Variants in CNBD1 observed in about 807,000 individuals in gnomAD.
The protein encoded by CNBD1 is cyclic nucleotide-binding domain-containing protein 1.
A neutral mutation model predicts 54.4 loss-of-function variants in CNBD1; 71 were observed. The observed-to-expected ratio is 1.30, with a 90% CI of 1.08 to 1.59. The LOEUF (loss-of-function observed/expected upper bound fraction) is 1.59. Among genes scored for constraint, CNBD1 ranks in the 40% most tolerant of loss-of-function variants. The probability of loss-of-function intolerance (pLI) is 0.00; values close to 1 mark genes in which losing one functional copy is unlikely to be tolerated. For synonymous variants in CNBD1, 182 were observed against 170.7 expected (o/e 1.07, Z -0.51); for missense variants, 659 against 518.0 (o/e 1.27, Z -2.64).
chr8:87,060,748 A>G (rs1330390647), intron 4 of CNBD1, among the ~76,000 whole-genome samples: 1 of 152,162 alleles, frequency 6.6e-6, no homozygotes, highest in South Asian at 2.1e-4. Context: ...TAAAATTTTT[A>G]AAATTAAAAG....
intron 10 of CNBD1, among the ~76,000 whole-genome samples, chr8:87,368,569 T>C (rs113606999): frequency 0.019 from 2,861 of 151,094 alleles, 91 homozygotes; most frequent in African/African-American, 0.063. Flanking sequence ...GCCAGGAGTT[T>C]GAGGCTGCAG....
rs549199602 is a variant in CNBD1 at position 86,873,290 on chromosome 8, G to A, written c.88+6707G>A. ...CTAATTTTGTATTTTTAGTAGAGAC[G>A]GGGTTTCTCCCTGTTGATCAGGCTT... On this transcript the variant is annotated intron_variant, in intron 1 of 10. Coordinates refer to ENST00000518476, the MANE Select transcript of CNBD1 (RefSeq NM_173538.3). Among the ~76,000 whole-genome samples, 13 of 151,646 alleles carry A rather than the reference G, an allele frequency of 8.6e-5. No homozygotes were observed. The South Asian group carries it at 2.7e-3, about 32-fold the overall frequency.
At chr8:87,241,986 CA>C (rs1302148331) in intron 6 of CNBD1, among the ~76,000 whole-genome samples, 3 of 152,104 alleles carry the variant, frequency 2.0e-5, no homozygotes, top group Non-Finnish European at 4.4e-5. Flanking sequence ...AAGAACATTA[CA>C]AAGTTAACCT....
chr8:86,953,797 G>A (rs1318344767), intron 4 of CNBD1, among the ~76,000 whole-genome samples: 6 of 151,942 alleles, frequency 3.9e-5, no homozygotes, highest in Non-Finnish European at 7.3e-5. Flanking sequence ...AACCCAGGAG[G>A]TGGAGGTTGC....
At chr8:87,052,442 A>G (rs923830345) in intron 4 of CNBD1, among the ~76,000 whole-genome samples, 3 of 152,214 alleles carry the variant, frequency 2.0e-5, no homozygotes, top group East Asian at 3.9e-4. Flanking sequence ...GATAGCTTAG[A>G]GTAGTTAAGC....
intron 2 of CNBD1, among the ~76,000 whole-genome samples, chr8:87,396,904 T>C (rs894720980): frequency 5.3e-5 from 8 of 150,942 alleles, no homozygotes; most frequent in Non-Finnish European, 1.0e-4. Flanking sequence ...TTTTTTTTTT[T>C]CAAGTAGTTC....
At chr8:87,345,618 C>G (rs1563562718) in intron 8 of CNBD1, among the ~76,000 whole-genome samples, 1 of 151,942 alleles carries the variant, frequency 6.6e-6, no homozygotes, top group Non-Finnish European at 1.5e-5. Context: ...AATAATTGTT[C>G]AAAATAATGA....
intron 4 of CNBD1, among the ~76,000 whole-genome samples, chr8:87,153,468 A>G (rs1007138317): frequency 5.9e-5 from 9 of 152,204 alleles, no homozygotes; most frequent in African/African-American, 2.2e-4. Context: ...TTGATTTGTA[A>G]GTCATGTAAG....
intron 4 of CNBD1, among the ~76,000 whole-genome samples, chr8:87,081,048 T>G (rs1344915392): frequency 2.6e-5 from 4 of 152,062 alleles, no homozygotes; most frequent in Non-Finnish European, 5.9e-5. Flanking sequence ...TCTTGTTTTG[T>G]GTTTAATTTG....
intron 4 of CNBD1, among the ~76,000 whole-genome samples, chr8:86,971,831 C>A (rs1309748120): frequency 6.6e-6 from 1 of 152,130 alleles, no homozygotes; most frequent in Admixed American, 6.6e-5. Context: ...CATATTAATT[C>A]TAAACATTTC....
chr8:87,242,565 C>G (rs959450673), intron 6 of CNBD1, among the ~76,000 whole-genome samples: 1 of 152,152 alleles, frequency 6.6e-6, no homozygotes, highest in Non-Finnish European at 1.5e-5. Context: ...GTGAATCCAC[C>G]TATGACTTAG....
intron 10 of CNBD1, among the ~76,000 whole-genome samples, chr8:87,358,561 T>C (rs1370931549): frequency 7.3e-6 from 1 of 136,296 alleles, no homozygotes; most frequent in Non-Finnish European, 1.7e-5. Flanking sequence ...TATACAAAGT[T>C]CTTCAAAAAA....
intron 2 of CNBD1, among the ~76,000 whole-genome samples, chr8:87,391,117 G>A (rs1053376353): frequency 6.6e-6 from 1 of 152,040 alleles, no homozygotes; most frequent in Non-Finnish European, 1.5e-5. Context: ...GGGAGGGATA[G>A]CATTAGGATA....
intron 2 of CNBD1, among the ~76,000 whole-genome samples, chr8:87,426,376 A>G (rs1173167496): frequency 1.3e-5 from 2 of 152,176 alleles, no homozygotes; most frequent in East Asian, 1.9e-4. Context: ...ATTAAATGCA[A>G]CATCATGATC....
intron 4 of CNBD1, among the ~76,000 whole-genome samples, chr8:87,160,533 C>T (rs1312250356): frequency 6.6e-6 from 1 of 151,978 alleles, no homozygotes; most frequent in East Asian, 1.9e-4. Context: ...ATATATTCTT[C>T]CAGAAAAATT....
rs369009961 is a variant in CNBD1 at position 86,905,146 on chromosome 8, T to C, written c.224T>C (p.Leu75Pro). The change falls in exon 3 of 11, where the codon CTG becomes CCG. Residue 75 changes from leucine to proline, a missense_variant. Coordinates refer to ENST00000518476, the MANE Select transcript of CNBD1 (RefSeq NM_173538.3). ...TFMKQYPKVF[L>P]HQKPRLPKLF... is the part of the protein sequence containing the mutation. ...ATGAAGCAATATCCTAAAGTATTCC[T>C]GCACCAAAAACCCAGACTTCCTAAA... The C allele has an allele frequency of 5.6e-6, 9 of 1,612,508 alleles. No homozygotes were observed. The highest frequency in any genetic ancestry group is 7.6e-6 in the Non-Finnish European group (9 of 1,179,020).
chr8:87,402,534 T>A (rs965453090), intron 2 of CNBD1, among the ~76,000 whole-genome samples: 5 of 152,074 alleles, frequency 3.3e-5, no homozygotes, highest in Admixed American at 1.3e-4. Context: ...GAGATGGACA[T>A]AAGGACCGAG....
intron 4 of CNBD1, among the ~76,000 whole-genome samples, chr8:87,174,999 T>A (rs1275393216): frequency 6.6e-6 from 1 of 152,166 alleles, no homozygotes; most frequent in Non-Finnish European, 1.5e-5. Flanking sequence ...CCACTAACAC[T>A]AGGATTGCAC....
At chr8:86,987,590 A>G (rs188840655) in intron 4 of CNBD1, among the ~76,000 whole-genome samples, 2 of 152,244 alleles carry the variant, frequency 1.3e-5, no homozygotes, top group African/African-American at 4.8e-5. Context: ...AGTTCTCAAG[A>G]GAAATGGTTT....
Sources: allele counts gnomAD v4.1 joint callset (sites outside exome capture counted in the v4.1 genomes callset), GRCh38; gene constraint gnomAD v4.1.1; transcripts MANE v1.5; gene names NCBI Gene and HGNC (gene_info 2026-07-23, HGNC 2026-07-21).